CTNNA3: variants seen among roughly 807,000 people sequenced by gnomAD.
CTNNA3 encodes the protein catenin alpha 3.
A neutral mutation model predicts 95.7 loss-of-function variants in CTNNA3; 76 were observed. The observed-to-expected ratio is 0.79, with a 90% confidence interval of 0.66 to 0.96. The LOEUF is 0.96. Ranked by LOEUF, CTNNA3 falls within the 40% of genes least tolerant of loss-of-function variation. The pLI, the probability that CTNNA3 is intolerant of heterozygous loss-of-function variation, is 0.00. For synonymous variants in CTNNA3, 431 were observed against 374.4 expected, an observed-to-expected ratio of 1.15 and a Z score of -1.74; for missense variants, 1,191 against 1,089.8, an observed-to-expected ratio of 1.09 and a Z score of -1.31.
At chr10:67,568,620 T>G (rs1180229625) in intron 3 of CTNNA3, among the ~76,000 whole-genome samples, 1 of 151,970 alleles carries the variant, frequency 6.6e-6, no homozygotes, top group African/African-American at 2.4e-5. Context: ...TTAGAAAAAT[T>G]TTTACTGGTG....
intron 3 of CTNNA3, among the ~76,000 whole-genome samples, chr10:67,572,197 TTTAC>T (rs1842000150): frequency 2.0e-5 from 3 of 152,314 alleles, no homozygotes; most frequent in Middle Eastern, 3.4e-3. Context: ...TTTTTTTCTA[TTTAC>T]TTAAATTTTT....
chr10:66,161,122 C>T (rs1221319333), intron 13 of CTNNA3, among the ~76,000 whole-genome samples: 1 of 152,142 alleles, frequency 6.6e-6, no homozygotes, highest in Non-Finnish European at 1.5e-5. Context: ...GGTGAGTCCT[C>T]ATGCATTCTG....
rs541128138 is a variant in CTNNA3 at position 65,912,771 on chromosome 10, A to G, written c.*7559T>C. 1.3e-5 allele frequency: 2 copies of G among 152,316 alleles called. No individual in the cohort carries two copies. Among genetic ancestry groups the G allele is most frequent in the Admixed American group, 1.3e-4 (2 of 15,292 alleles). 9.4% of individuals were successfully genotyped at this position (152,316 alleles called of 1,614,324 possible). ...TCAAACAAGGAGTATTTGGGCTTCT[A>G]TGTCAATGTCATAGGAAAGAGCTTT... On this transcript the variant is annotated 3_prime_UTR_variant, in exon 18 of 18. Coordinates refer to ENST00000433211, the MANE Select transcript of CTNNA3 (RefSeq NM_013266.4).
At chr10:66,560,858 T>G (rs919169736) in intron 10 of CTNNA3, among the ~76,000 whole-genome samples, 1 of 151,928 alleles carries the variant, frequency 6.6e-6, no homozygotes, top group East Asian at 1.9e-4. Context: ...TCTCTCCCTC[T>G]CTCTCTGACT....
At chr10:66,603,717 A>G (rs964640597) in intron 10 of CTNNA3, among the ~76,000 whole-genome samples, 3 of 152,158 alleles carry the variant, frequency 2.0e-5, no homozygotes, top group African/African-American at 7.2e-5. Context: ...GTATGGTACT[A>G]GCATGAAAAA....
At chr10:66,118,568 T>C (rs960183829) in intron 13 of CTNNA3, among the ~76,000 whole-genome samples, 2 of 152,230 alleles carry the variant, frequency 1.3e-5, no homozygotes, top group East Asian at 1.9e-4. Flanking sequence ...TCACCTTATA[T>C]TCTTATCTTT....
intron 7 of CTNNA3, among the ~76,000 whole-genome samples, chr10:66,780,950 A>G (rs1840510661): frequency 1.3e-5 from 2 of 152,194 alleles, no homozygotes; most frequent in African/African-American, 4.8e-5. Flanking sequence ...GTAGAATAAT[A>G]TGTTACTTTT....
intron 11 of CTNNA3, among the ~76,000 whole-genome samples, chr10:66,403,160 A>G (rs1273291897): frequency 2.0e-5 from 3 of 152,024 alleles, no homozygotes; most frequent in African/African-American, 7.2e-5. Context: ...CTTTCCTGAC[A>G]TTTACCCTTG....
chr10:66,433,544 C>T (rs9663258), intron 11 of CTNNA3, among the ~76,000 whole-genome samples: 17,843 of 152,112 alleles, frequency 0.12, 1,522 homozygotes, highest in African/African-American at 0.24. Context: ...TGGATATTAG[C>T]CCTTTGTCAA....
intron 17 of CTNNA3, among the ~76,000 whole-genome samples, chr10:65,945,100 T>C (rs1471522224): frequency 6.6e-6 from 1 of 152,092 alleles, no homozygotes; most frequent in African/African-American, 2.4e-5. Context: ...CTAATTTATA[T>C]ATGTATGCAT....
chr10:66,275,205 C>T (rs1306930556), intron 13 of CTNNA3, among the ~76,000 whole-genome samples: 1 of 152,136 alleles, frequency 6.6e-6, no homozygotes, highest in African/African-American at 2.4e-5. Flanking sequence ...GCAACCTCTG[C>T]CTCCCAGGTT....
intron 1 of CTNNA3, chr10:67,750,519 T>C: frequency 6.3e-7 from 1 of 1,575,300 alleles, no homozygotes; most frequent in South Asian, 1.1e-5. Context: ...ATCAACAAGT[T>C]GTGGCCCACT....
chr10:66,714,041 C>T (rs533700221), intron 9 of CTNNA3, among the ~76,000 whole-genome samples: 6 of 152,118 alleles, frequency 3.9e-5, no homozygotes, highest in African/African-American at 1.2e-4. Context: ...ACAGATCTAC[C>T]TTGTAAGAGA....
intron 9 of CTNNA3, among the ~76,000 whole-genome samples, chr10:66,645,524 A>AT (rs1258247954): frequency 6.6e-6 from 1 of 152,034 alleles, no homozygotes; most frequent in Non-Finnish European, 1.5e-5. Flanking sequence ...GAATATACAG[A>AT]TTTTTGTGTG....
intron 13 of CTNNA3, among the ~76,000 whole-genome samples, chr10:66,103,972 C>T (rs1277043026): frequency 6.6e-6 from 1 of 152,118 alleles, no homozygotes; most frequent in African/African-American, 2.4e-5. Context: ...TTTGGCTACC[C>T]ACTATGTGGT....
intron 13 of CTNNA3, among the ~76,000 whole-genome samples, chr10:66,217,876 C>T (rs2088656243): frequency 6.6e-6 from 1 of 152,112 alleles, no homozygotes; most frequent in African/African-American, 2.4e-5. Flanking sequence ...CTAGGGCAGC[C>T]TGAAGACTGA....
chr10:67,737,121 A>C (rs1322189296), intron 1 of CTNNA3, among the ~76,000 whole-genome samples: 2 of 151,966 alleles, frequency 1.3e-5, no homozygotes, highest in Admixed American at 1.3e-4. Flanking sequence ...ACACCACCAC[A>C]CCGGGCTAAT....
chr10:66,475,423 T>C (rs1325592273), intron 11 of CTNNA3, among the ~76,000 whole-genome samples: 2 of 152,044 alleles, frequency 1.3e-5, no homozygotes, highest in Admixed American at 6.6e-5. Flanking sequence ...CTTTCTCAGA[T>C]GGATAGGTTG....
intron 10 of CTNNA3, among the ~76,000 whole-genome samples, chr10:66,535,546 G>A (rs1841621234): frequency 6.6e-6 from 1 of 152,136 alleles, no homozygotes; most frequent in Admixed American, 6.6e-5. Context: ...TTAGCATCTG[G>A]CAGGTTCTAT....
Sources: gnomAD v4.1 joint callset for allele counts (sites outside exome capture counted in the v4.1 genomes callset) on GRCh38, gnomAD v4.1.1 for gene constraint, MANE v1.5 for transcripts, NCBI Gene and HGNC (gene_info 2026-07-23, HGNC 2026-07-21) for gene names.